The following ANGPTL2 variants were observed in gnomAD, a reference collection of about 807,000 sequenced individuals.
The protein encoded by ANGPTL2 is angiopoietin-related protein 2.
Under a neutral mutation model 52.8 loss-of-function variants are expected in ANGPTL2, and 25 were observed. That is an observed-to-expected ratio of 0.47 (90% CI 0.35 to 0.66). The LOEUF is 0.66. Among genes scored for constraint, ANGPTL2 ranks in the 30% least tolerant of loss-of-function variants. The pLI is 0.01. For missense variants in ANGPTL2, 546 were observed against 656.9 expected (o/e 0.83, Z 1.84); for synonymous variants, 276 against 277.4 (o/e 1.00, Z 0.05).
chr9:127,115,721 G>A (rs996740549), intron 1 of ANGPTL2, among the ~76,000 whole-genome samples: 3 of 152,238 alleles, frequency 2.0e-5, no homozygotes, highest in Non-Finnish European at 4.4e-5. Flanking sequence ...GACTGAATAA[G>A]TAGAAATAGC....
intron 1 of ANGPTL2, among the ~76,000 whole-genome samples, chr9:127,109,266 C>T (rs1297766298): frequency 6.6e-6 from 1 of 152,238 alleles, no homozygotes; most frequent in Non-Finnish European, 1.5e-5. Context: ...TGCTGAATAG[C>T]AGTTCTGTTT....
intron 2 of ANGPTL2, among the ~76,000 whole-genome samples, chr9:127,105,307 G>A (rs893005186): frequency 1.3e-5 from 2 of 152,120 alleles, no homozygotes; most frequent in Non-Finnish European, 2.9e-5. Context: ...TTCTTAAGTG[G>A]GAGACAAAAG....
chr9:127,093,705 A>G (rs1298771644), intron 3 of ANGPTL2, 28 bp downstream of exon 3: 1 of 1,611,626 alleles, frequency 6.2e-7, no homozygotes, highest in Admixed American at 1.7e-5. Context: ...CCTTGTGGGC[A>G]GCACAGACAT....
At chr9:127,111,720 A>G (rs1480972351) in intron 1 of ANGPTL2, among the ~76,000 whole-genome samples, 3 of 152,218 alleles carry the variant, frequency 2.0e-5, no homozygotes, top group Non-Finnish European at 4.4e-5. Flanking sequence ...TAAGGTAGAT[A>G]CTGTTGCTGT....
chr9:127,093,898 C>T lies in ANGPTL2; in HGVS notation c.846G>A (p.Leu282=). 1 of 1,614,022 alleles carries T rather than the reference C, an allele frequency of 6.2e-7. No individual in the cohort carries two copies. Among genetic ancestry groups the T allele is most frequent in the Non-Finnish European group, 8.5e-7 (1 of 1,180,004 alleles). The part of the protein sequence containing the change: ...SGPWRDCLQA[L]EDGHDTSSIY... Reference sequence around the variant, plus strand: ...TGGAGCTGGTGTCGTGGCCATCCTCCAGGGCCTGCAGGCAGTCTCTCCATG... The same window carrying T: ...TGGAGCTGGTGTCGTGGCCATCCTCTAGGGCCTGCAGGCAGTCTCTCCATG... The change falls in exon 3 of 5, where the codon CTG becomes CTA. Residue 282 remains leucine (L), a synonymous_variant. Coordinates refer to ENST00000373425, the MANE Select transcript of ANGPTL2 (RefSeq NM_012098.3).
chr9:127,089,685 T>C (rs2136344280), intron 4 of ANGPTL2, among the ~76,000 whole-genome samples: 1 of 152,358 alleles, frequency 6.6e-6, no homozygotes, highest in Non-Finnish European at 1.5e-5. Flanking sequence ...ATCCAAACAA[T>C]TTTTTGTATT....
At chr9:127,107,784 G>T in intron 2 of ANGPTL2, 131 bp downstream of exon 2, 2 of 919,460 alleles carry the variant, frequency 2.2e-6, no homozygotes, top group Non-Finnish European at 1.6e-6. Flanking sequence ...CCAAGGGATT[G>T]CTGGGGGATT....
At position 127,091,445 on chromosome 9, in the gene ANGPTL2, A is replaced by T. The variant is rs78757730; in HGVS notation, c.1282+225T>A. On this transcript the variant is annotated intron_variant, in intron 4 of 4. Coordinates refer to ENST00000373425, the MANE Select transcript of ANGPTL2 (RefSeq NM_012098.3). The surrounding 1 kb of genome is among the most constrained non-coding windows in gnomAD (Gnocchi z 4.3). ...ACCTCTTTATGTCTCGCCCCATCCCATTTTTTTTTTCTTAATTTGTAAATG... is the reference window on the plus strand; with the variant it reads ...ACCTCTTTATGTCTCGCCCCATCCCTTTTTTTTTTTCTTAATTTGTAAATG... 6.8e-6 allele frequency among the ~76,000 whole-genome samples: 1 copy of T among 148,050 alleles called. No individual in the cohort carries two copies. Among genetic ancestry groups the T allele is most frequent in the Non-Finnish European group, 1.5e-5 (1 of 66,840 alleles).
Position 127,091,846 on chromosome 9 carries a change from A to G in ANGPTL2, c.1106T>C (p.Met369Thr), listed in dbSNP as rs907077472. 1.2e-6 allele frequency: 2 copies of G among 1,614,028 alleles called. No homozygotes were observed. The highest frequency in any genetic ancestry group is 1.3e-5 in the African/African-American group (1 of 74,900). The change falls in exon 4 of 5, where the codon ATG (methionine) becomes ACG (threonine). Residue 369 changes from methionine (M) to threonine (T), a missense_variant. By Grantham distance (81) the Met-to-Thr change is moderately conservative (BLOSUM62 -1). Around this residue, in one of 2 missense-constraint regions of ANGPTL2, gnomAD observed 261 missense variants for 361.0 expected, o/e 0.72. Coordinates refer to ENST00000373425, the MANE Select transcript of ANGPTL2 (RefSeq NM_012098.3). The surrounding 1 kb of genome is among the most constrained non-coding windows in gnomAD (Gnocchi z 4.3). ...GACTTTGCGGCCGGACCAGTCCTCC[A>G]TGGTCACCAGGAGTTTGTAGTTGCC... ...NQGNYKLLVT[M>T]EDWSGRKVFA...
intron 1 of ANGPTL2, among the ~76,000 whole-genome samples, chr9:127,112,395 A>C (rs1440957764): frequency 6.6e-6 from 1 of 152,212 alleles, no homozygotes; most frequent in Non-Finnish European, 1.5e-5. Context: ...CAGGCTGCTC[A>C]CCTGAGGCAG....
chr9:127,101,078 A>T (rs914914278), intron 2 of ANGPTL2, among the ~76,000 whole-genome samples: 4 of 151,618 alleles, frequency 2.6e-5, no homozygotes, highest in Non-Finnish European at 5.9e-5. Context: ...CTTCCTCATC[A>T]CCTCCTTCAG....
chr9:127,104,186 A>C (rs545509662), intron 2 of ANGPTL2, among the ~76,000 whole-genome samples: 2 of 152,334 alleles, frequency 1.3e-5, no homozygotes, highest in Non-Finnish European at 2.9e-5. Flanking sequence ...TCAGGAGAGA[A>C]AACAGCTAAA....
intron 4 of ANGPTL2, among the ~76,000 whole-genome samples, chr9:127,090,277 C>T (rs1002214011): frequency 1.3e-5 from 2 of 152,252 alleles, no homozygotes; most frequent in Non-Finnish European, 2.9e-5. Context: ...TCATAGAATA[C>T]ACTTTCCGCT....
chr9:127,104,785 G>GA (rs1481688251), intron 2 of ANGPTL2, among the ~76,000 whole-genome samples: 3 of 152,238 alleles, frequency 2.0e-5, no homozygotes, highest in Admixed American at 2.0e-4. Flanking sequence ...GCTGCTGAGT[G>GA]AAAGGTTTGG....
chr9:127,094,399 A>G (rs1046543276), intron 2 of ANGPTL2, among the ~76,000 whole-genome samples: 7 of 152,194 alleles, frequency 4.6e-5, no homozygotes, highest in African/African-American at 1.4e-4. Flanking sequence ...TCTGCAAGGA[A>G]ACTCAGTTCC....
At chr9:127,110,028 TC>T (rs1489440972) in intron 1 of ANGPTL2, among the ~76,000 whole-genome samples, 3 of 152,210 alleles carry the variant, frequency 2.0e-5, no homozygotes, top group Non-Finnish European at 2.9e-5. Context: ...TACGGTTTTT[TC>T]TCTCAACTTA....
intron 2 of ANGPTL2, among the ~76,000 whole-genome samples, chr9:127,106,542 G>A (rs1048275933): frequency 1.3e-5 from 2 of 152,170 alleles, no homozygotes; most frequent in Admixed American, 6.5e-5. Flanking sequence ...TGAGGAAACC[G>A]AGCCTCAGGG....
intron 2 of ANGPTL2, among the ~76,000 whole-genome samples, chr9:127,107,535 G>T (rs548838123): frequency 5.9e-5 from 9 of 152,254 alleles, no homozygotes; most frequent in Non-Finnish European, 8.8e-5. Flanking sequence ...ATTTACAGAA[G>T]GCCAACCCTG....
chr9:127,113,362 C>T (rs548906430), intron 1 of ANGPTL2, among the ~76,000 whole-genome samples: 5 of 152,132 alleles, frequency 3.3e-5, no homozygotes, highest in Non-Finnish European at 5.9e-5. Context: ...CCTTGGAGTC[C>T]AAGACTCCAA....
Sources: gnomAD v4.1 joint callset for allele counts (sites outside exome capture counted in the v4.1 genomes callset) on GRCh38, gnomAD v4.1.1 for gene constraint, gnomAD v4.1.1 regional missense constraint, Gnocchi (gnomAD v3.1) non-coding constraint, MANE v1.5 for transcripts, NCBI Gene and HGNC (gene_info 2026-07-23, HGNC 2026-07-21) for gene names.